The following PHC3 variants were observed in gnomAD, a reference collection of about 807,000 sequenced individuals.
PHC3 encodes the protein polyhomeotic homolog 3.
Under a neutral mutation model 107.4 loss-of-function variants are expected in PHC3, and 13 were observed. The ratio of observed to expected loss-of-function variants is 0.12; its 90% CI spans 0.08 to 0.19. The LOEUF (loss-of-function observed/expected upper bound fraction) is 0.19, where lower values mean the gene tolerates loss of function less well. Ranked by LOEUF, PHC3 falls within the 10% of genes least tolerant of loss-of-function variation. The pLI, the probability that PHC3 is intolerant of heterozygous loss-of-function variation, is 1.00. For synonymous variants in PHC3, 456 were observed against 427.4 expected (o/e 1.07, Z -0.83); for missense variants, 992 against 1,210.9 (o/e 0.82, Z 2.68).
chr3:170,148,507 C>T (rs939829826), intron 5 of PHC3: 1 of 152,144 alleles, frequency 6.6e-6, no homozygotes, highest in African/African-American at 2.4e-5. Flanking sequence ...ATTAACATTC[C>T]TATATTCATA....
intron 12 of PHC3, 59 bp downstream of exon 12, chr3:170,106,773 T>G (rs1716605985): frequency 3.4e-6 from 4 of 1,172,718 alleles, no homozygotes; most frequent in Non-Finnish European, 4.8e-6. Flanking sequence ...AAGGGTTTTT[T>G]GGTTTAGTTG....
intron 7 of PHC3, among the ~76,000 whole-genome samples, chr3:170,132,933 A>ATATGATAC: frequency 6.6e-6 from 1 of 152,314 alleles, no homozygotes; most frequent in South Asian, 2.1e-4. Flanking sequence ...ACATATTAAA[A>ATATGATAC]ATAGAATTTA....
chr3:170,171,312 A>G, intron 4 of PHC3, 61 bp downstream of exon 4: 3 of 1,200,314 alleles, frequency 2.5e-6, no homozygotes, highest in Admixed American at 2.5e-5. Context: ...ACAACAGTTT[A>G]CTTTTGGAAA....
At chr3:170,109,450 G>C (rs562290854) in intron 11 of PHC3, among the ~76,000 whole-genome samples, 1 of 152,226 alleles carries the variant, frequency 6.6e-6, no homozygotes, top group East Asian at 1.9e-4. Context: ...CCTGGAGCTT[G>C]AGTGCCCAAT....
At chr3:170,168,517 G>A (rs900874718) in intron 4 of PHC3, among the ~76,000 whole-genome samples, 13 of 151,776 alleles carry the variant, frequency 8.6e-5, no homozygotes, top group Non-Finnish European at 1.8e-4. Flanking sequence ...TGTAATCCCA[G>A]CACTTTGGGA....
chr3:170,149,011 A>G lies in PHC3; in HGVS notation c.573+75T>C, dbSNP rs762297393. 2.8e-6 allele frequency: 4 copies of G among 1,404,324 alleles called. No individual in the cohort carries two copies. The Admixed American group carries it at 6.1e-5, about 21-fold the overall frequency. The allele number at this position is 1,404,324 out of a possible 1,614,324, so 87.0% of individuals were successfully genotyped here. A position where few individuals can be genotyped will look rare whatever the true frequency, so the allele number is the denominator to read the frequency against. ...TTCTTAAATATTAAAAATACCTCTT[A>G]TTGTATCAAATCAAGAAACATTTTG... is the stretch of plus-strand genomic sequence containing the variant. On this transcript the variant is annotated intron_variant, in intron 5 of 14. Coordinates refer to ENST00000495893, the MANE Select transcript of PHC3 (RefSeq NM_024947.4).
At position 170,140,584 on chromosome 3, in the gene PHC3, C is replaced by CTT. The variant is rs57137783; in HGVS notation, c.673-3921_673-3920dup. Among the ~76,000 whole-genome samples the CTT allele has an allele frequency of 2.0e-3, 142 of 69,620 alleles. 3 individuals are homozygous for CTT. Among genetic ancestry groups the CTT allele is most frequent in the Middle Eastern group, 9.8e-3 (1 of 102 alleles). 45.7% of individuals were successfully genotyped at this position (69,620 alleles called of 152,430 possible). The stretch of plus-strand genomic sequence containing the variant: ...TCAGAGTTCTTACTCATTTCTTTTT[C>CTT]TTTTTTTTTTTTTTTTTTTTTTTTT... On this transcript the variant is annotated intron_variant, in intron 6 of 14. Coordinates refer to ENST00000495893, the MANE Select transcript of PHC3 (RefSeq NM_024947.4).
At chr3:170,132,664 T>G (rs1191019509) in intron 7 of PHC3, among the ~76,000 whole-genome samples, 1 of 152,238 alleles carries the variant, frequency 6.6e-6, no homozygotes, top group African/African-American at 2.4e-5. Flanking sequence ...GACCTCGATC[T>G]TGGGCTTTCC....
intron 6 of PHC3, among the ~76,000 whole-genome samples, chr3:170,140,779 G>A (rs1459730559): frequency 6.6e-6 from 1 of 150,546 alleles, no homozygotes; most frequent in African/African-American, 2.4e-5. Flanking sequence ...TGTATTTTTA[G>A]TAGAGACGGG....
intron 4 of PHC3, among the ~76,000 whole-genome samples, chr3:170,156,445 C>T (rs1560108031): frequency 2.0e-5 from 3 of 151,712 alleles, no homozygotes; most frequent in East Asian, 1.9e-4. Flanking sequence ...TTAGTAGAGA[C>T]GAGTTTCGCC....
intron 3 of PHC3, among the ~76,000 whole-genome samples, chr3:170,172,045 A>G (rs181173706): frequency 3.0e-4 from 45 of 152,316 alleles, no homozygotes; most frequent in Admixed American, 2.4e-3. Context: ...GGATTTTAGA[A>G]AAATGGATAT....
chr3:170,170,439 A>G (rs1369526772), intron 4 of PHC3: 1 of 150,710 alleles, frequency 6.6e-6, no homozygotes, highest in African/African-American at 2.4e-5. Context: ...GACAACAAAG[A>G]ATTATCTGGC....
chr3:170,141,086 C>T (rs1405868916), intron 6 of PHC3, among the ~76,000 whole-genome samples: 1 of 152,110 alleles, frequency 6.6e-6, no homozygotes, highest in Non-Finnish European at 1.5e-5. Flanking sequence ...GTACTGACTT[C>T]TATAGCTTAA....
At chr3:170,134,981 C>T (rs1249717671) in intron 7 of PHC3, among the ~76,000 whole-genome samples, 2 of 152,064 alleles carry the variant, frequency 1.3e-5, no homozygotes, top group Non-Finnish European at 2.9e-5. Context: ...AGAATGCTGG[C>T]AGTATTAACA....
At chr3:170,152,537 AAT>A (rs1363839385) in intron 4 of PHC3, among the ~76,000 whole-genome samples, 1 of 151,836 alleles carries the variant, frequency 6.6e-6, no homozygotes, top group African/African-American at 2.4e-5. Context: ...TCACCTTAAC[AAT>A]AGTCACCAAC....
chr3:170,176,385 CA>C (rs950762602), intron 2 of PHC3, among the ~76,000 whole-genome samples: 1 of 152,104 alleles, frequency 6.6e-6, no homozygotes, highest in Middle Eastern at 3.4e-3. Flanking sequence ...AATCCTAAAC[CA>C]AAAACAGTTA....
intron 4 of PHC3, among the ~76,000 whole-genome samples, chr3:170,164,839 A>G (rs188193730): frequency 3.3e-5 from 5 of 152,330 alleles, no homozygotes. Context: ...GCAACACAGA[A>G]AACTTTTAGA....
At chr3:170,168,028 G>A (rs1156437320) in intron 4 of PHC3, among the ~76,000 whole-genome samples, 1 of 152,054 alleles carries the variant, frequency 6.6e-6, no homozygotes, top group African/African-American at 2.4e-5. Context: ...CAGGCATAGT[G>A]GTGTGCGCCT....
chr3:170,179,781 C>A (rs181752578), intron 1 of PHC3, among the ~76,000 whole-genome samples: 208 of 152,250 alleles, frequency 1.4e-3, no homozygotes, highest in African/African-American at 5.0e-3. Flanking sequence ...TGAATAAATT[C>A]AAACACTTTA....
Sources: allele counts gnomAD v4.1 joint callset (sites outside exome capture counted in the v4.1 genomes callset), GRCh38; gene constraint gnomAD v4.1.1; transcripts MANE v1.5; gene names NCBI Gene and HGNC (gene_info 2026-07-23, HGNC 2026-07-21).